AMMECR1: variants seen among roughly 807,000 people sequenced by gnomAD.
The protein encoded by AMMECR1 is AMMECR nuclear protein 1, also known as nuclear protein AMMECR1.
A neutral mutation model predicts 22.5 loss-of-function variants in AMMECR1; 3 were observed. That is an observed-to-expected ratio of 0.13 (90% confidence interval 0.06 to 0.35). AMMECR1 has a LOEUF of 0.35. AMMECR1 is among the 10% of genes least tolerant of loss of function. The pLI, the probability that AMMECR1 is intolerant of heterozygous loss-of-function variation, is 1.00. For synonymous variants in AMMECR1, 130 were observed against 116.7 expected (o/e 1.11, Z -0.74); for missense variants, 235 against 278.7 (o/e 0.84, Z 1.12).
intron 2 of AMMECR1, among the ~76,000 whole-genome samples, chrX:110,384,582 T>C (rs991487719): frequency 1.8e-5 from 2 of 111,351 alleles, no homozygotes; most frequent in African/African-American, 6.5e-5. Flanking sequence ...TTTCTGGAAC[T>C]TGAGGATCAA....
At chrX:110,237,448 G>T (rs985493952) in intron 2 of AMMECR1, among the ~76,000 whole-genome samples, 1 of 110,874 alleles carries the variant, frequency 9.0e-6, no homozygotes, top group African/African-American at 3.3e-5. Context: ...GGGAAAATGG[G>T]TGGAAATGGT....
At chrX:110,364,789 A>G (rs182971560) in intron 2 of AMMECR1, among the ~76,000 whole-genome samples, 31 of 112,098 alleles carry the variant, frequency 2.8e-4, no homozygotes, top group Non-Finnish European at 5.1e-4. Context: ...GGGATAGCAT[A>G]ATATTCTAAG....
intron 2 of AMMECR1, among the ~76,000 whole-genome samples, chrX:110,342,410 A>G (rs1457726319): frequency 4.5e-5 from 5 of 110,904 alleles, no homozygotes; most frequent in Non-Finnish European, 9.5e-5. Flanking sequence ...TCACTCTGTC[A>G]CCCAGGCTGG....
At chrX:110,231,388 A>G (rs2067565297) in intron 2 of AMMECR1, among the ~76,000 whole-genome samples, 1 of 112,447 alleles carries the variant, frequency 8.9e-6, no homozygotes, top group African/African-American at 3.2e-5. Flanking sequence ...AGAATTTTCA[A>G]CCCAGAATTT....
chrX:110,361,591 C>T (rs929364160), intron 2 of AMMECR1, among the ~76,000 whole-genome samples: 9 of 111,869 alleles, frequency 8.0e-5, no homozygotes, highest in Non-Finnish European at 1.5e-4. Context: ...CAGATATTGA[C>T]ATACTCCTGT....
intron 1 of AMMECR1, among the ~76,000 whole-genome samples, chrX:110,296,764 C>T (rs1238522453): frequency 9.0e-6 from 1 of 110,738 alleles, no homozygotes; most frequent in Non-Finnish European, 1.9e-5. Flanking sequence ...AGACATCATT[C>T]TCTTACTTTC....
chrX:110,221,075 A>G (rs942276644), intron 2 of AMMECR1, among the ~76,000 whole-genome samples: 3 of 112,609 alleles, frequency 2.7e-5, no homozygotes, highest in African/African-American at 9.7e-5. Context: ...AAAGTTATCA[A>G]ACTGAGAGGG....
chrX:110,318,270 C>T (rs2068063781), upstream of AMMECR1: 1 of 133,020 alleles, frequency 7.5e-6, no homozygotes. Flanking sequence ...TCCTCGCTTT[C>T]GCGGCTGGGC....
intron 2 of AMMECR1, among the ~76,000 whole-genome samples, chrX:110,261,021 T>C (rs2067738195): frequency 9.0e-6 from 1 of 111,294 alleles, no homozygotes; most frequent in African/African-American, 3.3e-5. Flanking sequence ...AGAATGGTGG[T>C]TGCCAGGGCC....
At chrX:110,262,604 C>G (rs1213906226) in intron 2 of AMMECR1, among the ~76,000 whole-genome samples, 2 of 112,246 alleles carry the variant, frequency 1.8e-5, no homozygotes, top group African/African-American at 6.5e-5. Flanking sequence ...TGGATGTTTT[C>G]ACCCCTTGCC....
At chrX:110,422,071 G>A (rs1215722306) in intron 2 of AMMECR1, among the ~76,000 whole-genome samples, 2 of 113,071 alleles carry the variant, frequency 1.8e-5, no homozygotes, top group Non-Finnish European at 3.7e-5. Flanking sequence ...CTGGAAAATG[G>A]GGCTCTGGCT....
intron 2 of AMMECR1, among the ~76,000 whole-genome samples, chrX:110,240,396 A>C (rs1371491312): frequency 5.4e-5 from 5 of 92,139 alleles, no homozygotes; most frequent in Non-Finnish European, 1.1e-4. Context: ...AAAAAAAAAA[A>C]CAAAAACGGG....
At chrX:110,221,150 C>A (rs898027052) in intron 2 of AMMECR1, among the ~76,000 whole-genome samples, 2 of 112,106 alleles carry the variant, frequency 1.8e-5, no homozygotes, top group Non-Finnish European at 3.8e-5. Flanking sequence ...TTAAAAATCC[C>A]TGTTTGGACA....
At position 110,400,731 on chromosome X, in the gene AMMECR1, T is replaced by C. The variant is rs775780158; in HGVS notation, c.-148+25927A>G. On this transcript the variant is annotated intron_variant, in intron 2 of 7. Coordinates refer to the AMMECR1 transcript ENST00000372057. The stretch of plus-strand genomic sequence containing the variant: ...CCCTCATGGCCCTCCTGAATTTATC[T>C]CTATTATAATGTTTTATATTTTATG... Among the ~76,000 whole-genome samples, 5 of 112,174 alleles carry C rather than the reference T, an allele frequency of 4.5e-5. No homozygotes were observed. In the East Asian group the frequency reaches 1.4e-3, roughly 31 times the overall value.
chrX:110,388,073 T>A (rs896114341), intron 2 of AMMECR1, among the ~76,000 whole-genome samples: 29 of 110,593 alleles, frequency 2.6e-4, no homozygotes, highest in Non-Finnish European at 3.0e-4. Flanking sequence ...TTCATCATGT[T>A]AGCCAGGATG....
intron 2 of AMMECR1, among the ~76,000 whole-genome samples, chrX:110,348,279 T>A (rs2068198369): frequency 8.9e-6 from 1 of 112,238 alleles, no homozygotes; most frequent in Non-Finnish European, 1.9e-5. Flanking sequence ...TTTCATTTAT[T>A]CTTTCAACAC....
intron 2 of AMMECR1, among the ~76,000 whole-genome samples, chrX:110,415,879 T>C (rs1405573501): frequency 9.0e-6 from 1 of 110,964 alleles, no homozygotes; most frequent in East Asian, 2.8e-4. Context: ...TGACCAAAAA[T>C]GTTTGCCTTT....
At chrX:110,357,026 TTTCTTTC>T (rs2068233666) in intron 2 of AMMECR1, among the ~76,000 whole-genome samples, 1 of 112,227 alleles carries the variant, frequency 8.9e-6, no homozygotes, top group Non-Finnish European at 1.9e-5. Context: ...AAATTCTTCA[TTTCTTTC>T]TTCTTTCTTC....
chrX:110,414,193 C>A (rs1332794403), intron 2 of AMMECR1, among the ~76,000 whole-genome samples: 1 of 112,476 alleles, frequency 8.9e-6, no homozygotes, highest in Non-Finnish European at 1.9e-5. Flanking sequence ...TGGAGAAAAT[C>A]CCATCACTTT....
Sources: allele counts gnomAD v4.1 joint callset (sites outside exome capture counted in the v4.1 genomes callset), GRCh38; gene constraint gnomAD v4.1.1; transcripts MANE v1.5; gene names NCBI Gene and HGNC (gene_info 2026-07-23, HGNC 2026-07-21).